Variants in CTPS1 observed in about 807,000 individuals in gnomAD.
The protein encoded by CTPS1 is CTP synthetase 1.
Under a neutral mutation model 80.5 loss-of-function variants are expected in CTPS1, and 25 were observed. That is an observed-to-expected ratio of 0.31 (90% CI 0.23 to 0.43). The LOEUF (loss-of-function observed/expected upper bound fraction) is 0.43. Among genes scored for constraint, CTPS1 ranks in the 20% least tolerant of loss-of-function variants. CTPS1 has a pLI of 1.00. For missense variants in CTPS1, 442 were observed against 725.7 expected (o/e 0.61, Z 4.49); for synonymous variants, 267 against 252.5 (o/e 1.06, Z -0.54).
At chr1:40,996,553 GCTGTCACATTC>G (rs1209525684) in intron 8 of CTPS1, among the ~76,000 whole-genome samples, 1 of 152,184 alleles carries the variant, frequency 6.6e-6, no homozygotes, top group Non-Finnish European at 1.5e-5. Flanking sequence ...GCTCGGTGAT[GCTGTCACATTC>G]CTTCAGAAAT....
intron 17 of CTPS1, among the ~76,000 whole-genome samples, 194 bp from the exon 18 acceptor site, chr1:41,009,967 G>A (rs756570044): frequency 1.3e-5 from 2 of 152,206 alleles, no homozygotes; most frequent in Non-Finnish European, 2.9e-5. Flanking sequence ...AAGTATAAAT[G>A]GAATGTATAT....
chr1:40,982,036 G>C (rs755318525), intron 1 of CTPS1: 25 of 1,286,282 alleles, frequency 1.9e-5, no homozygotes, highest in Middle Eastern at 4.3e-4. Flanking sequence ...TTTTCATTTT[G>C]GTCACATTTG....
intron 7 of CTPS1, among the ~76,000 whole-genome samples, chr1:40,994,695 G>T (rs1226048871): frequency 6.6e-6 from 1 of 152,074 alleles, no homozygotes; most frequent in Non-Finnish European, 1.5e-5. Context: ...AATGATAATG[G>T]CTAATATCTT....
At position 41,001,055 on chromosome 1, in the gene CTPS1, C is replaced by T. The variant is rs1282166282; in HGVS notation, c.1032C>T (p.Pro344=). The T allele has an allele frequency of 3.7e-6, 6 of 1,612,286 alleles. No individual in the cohort carries two copies. Among genetic ancestry groups the T allele is most frequent in the Non-Finnish European group, 4.2e-6 (5 of 1,179,364 alleles). Residue 344 remains proline, a synonymous_variant, in exon 10 of 19, where the codon CCC becomes CCT. Transcript: ENST00000650070. ...IKYIDSADLE[P]ITSQEEPVRY... ...ACATAGATTCTGCGGACTTGGAGCC[C>T]ATCACCTCGCAAGAAGAGCCCGTGC...
chr1:40,987,499 C>G, intron 4 of CTPS1, 27 bp downstream of exon 4: 1 of 1,470,140 alleles, frequency 6.8e-7, no homozygotes. Context: ...CACATGTGAA[C>G]AAGTGTACTC....
chr1:40,991,874 T>C (rs1211287920), intron 7 of CTPS1, 29 bp downstream of exon 7: 1 of 1,570,270 alleles, frequency 6.4e-7, no homozygotes. Context: ...CTCTAATAAG[T>C]TGTTTTTTGC....
intron 3 of CTPS1, among the ~76,000 whole-genome samples, chr1:40,986,441 G>A (rs1263780141): frequency 3.9e-5 from 6 of 152,236 alleles, no homozygotes; most frequent in Admixed American, 6.5e-5. Context: ...TCGCTGGGCC[G>A]CAGCAAGAAG....
Position 40,996,046 on chromosome 1 carries a change from A to G in CTPS1, c.850A>G (p.Lys284Glu). 1 of 1,614,200 alleles carries G rather than the reference A, an allele frequency of 6.2e-7. No homozygotes were observed. The highest frequency in any genetic ancestry group is 1.1e-5 in the South Asian group (1 of 91,076). ...IERQPRKMLMKWKEMADRYDR... is the reference protein window; with the variant it reads ...IERQPRKMLMEWKEMADRYDR... ...GAGGCAGCCAAGAAAAATGCTGATG[A>G]AATGGAAAGAGATGGCTGACAGGTT... The change falls in exon 8 of 19, where the codon AAA (lysine) becomes GAA (glutamate). Residue 284 changes from lysine to glutamate, a missense_variant. By Grantham distance (56) the Lys-to-Glu change is moderately conservative. This residue lies in a region of CTPS1 where 321 missense variants were observed against 467.2 expected (regional missense o/e 0.69). Transcript: ENST00000650070.
At chr1:40,995,860 G>A (rs1190146718) in intron 7 of CTPS1, 57 bp from the exon 8 acceptor site, 2 of 1,552,702 alleles carry the variant, frequency 1.3e-6, no homozygotes, top group Admixed American at 1.8e-5. Context: ...GCTAGTAGGA[G>A]GCTGTAAGCC....
chr1:40,988,028 T>G (rs774336241), intron 4 of CTPS1, among the ~76,000 whole-genome samples: 58 of 152,182 alleles, frequency 3.8e-4, no homozygotes, highest in Non-Finnish European at 7.3e-4. Flanking sequence ...TTCTCCTACC[T>G]TAGCCTCCCA....
intron 5 of CTPS1, among the ~76,000 whole-genome samples, chr1:40,989,999 T>G (rs1642559867): frequency 6.6e-6 from 1 of 152,022 alleles, no homozygotes; most frequent in South Asian, 2.1e-4. Flanking sequence ...TTCCAAAAAA[T>G]AAGAACACAG....
At chr1:41,006,652 G>A (rs1176006484) in intron 13 of CTPS1, among the ~76,000 whole-genome samples, 1 of 152,298 alleles carries the variant, frequency 6.6e-6, no homozygotes, top group East Asian at 1.9e-4. Flanking sequence ...GAGGGACGAT[G>A]CCTTTAATCA....
At chr1:40,997,585 G>T (rs376533615) in intron 9 of CTPS1, 59 bp downstream of exon 9, 1 of 1,571,288 alleles carries the variant, frequency 6.4e-7, no homozygotes, top group African/African-American at 1.4e-5. Flanking sequence ...CTGTAGTCTC[G>T]TAGGTGCTGT....
chr1:40,997,771 A>G (rs911410117), intron 9 of CTPS1, among the ~76,000 whole-genome samples: 1 of 152,206 alleles, frequency 6.6e-6, no homozygotes, highest in Non-Finnish European at 1.5e-5. Context: ...GTTCTTGGCT[A>G]TGACTATCAG....
chr1:41,002,093 A>C, intron 10 of CTPS1, 67 bp from the exon 11 acceptor site: 1 of 1,392,978 alleles, frequency 7.2e-7, no homozygotes, highest in Non-Finnish European at 1.0e-6. Flanking sequence ...ATGGCCCGTT[A>C]GGCGATTATT....
In CTPS1 at chr1:41,007,371, C is replaced by A; in HGVS notation, c.1297-78C>A. 2 of 1,225,340 alleles carry A rather than the reference C, an allele frequency of 1.6e-6. No homozygotes were observed. Among genetic ancestry groups the A allele is most frequent in the South Asian group, 1.2e-5 (1 of 81,780 alleles). The allele number at this position is 1,225,340 out of a possible 1,614,324, so 75.9% of individuals were successfully genotyped here. A position where few individuals can be genotyped will look rare whatever the true frequency, so the allele number is the denominator to read the frequency against. ...TTAGAGCTTACTTACAAGCCTTTGC[C>A]ACCCACTCAGCGAGGGAGGTTTCTC... On this transcript the variant is annotated intron_variant, in intron 13 of 18. Coordinates refer to ENST00000650070, the MANE Select transcript of CTPS1 (RefSeq NM_001905.4). The surrounding 1 kb of genome is among the most constrained non-coding windows in gnomAD (Gnocchi z 4.4).
intron 5 of CTPS1, among the ~76,000 whole-genome samples, chr1:40,989,064 C>T (rs765284545): frequency 8.5e-5 from 13 of 152,128 alleles, no homozygotes; most frequent in Non-Finnish European, 1.6e-4. Flanking sequence ...TGCATAGAAC[C>T]GACTAAGCTG....
chr1:40,989,236 T>C (rs372204741), intron 5 of CTPS1, among the ~76,000 whole-genome samples: 1 of 152,196 alleles, frequency 6.6e-6, no homozygotes, highest in East Asian at 1.9e-4. Flanking sequence ...CAGTGCACAG[T>C]TGGGCGTTAG....
intron 1 of CTPS1, among the ~76,000 whole-genome samples, chr1:40,982,171 C>G (rs1211907547): frequency 6.6e-6 from 1 of 152,124 alleles, no homozygotes; most frequent in Non-Finnish European, 1.5e-5. Context: ...CATCTTGACT[C>G]TGCTGCCCTT....
Sources: gnomAD v4.1 joint callset for allele counts (sites outside exome capture counted in the v4.1 genomes callset) on GRCh38, gnomAD v4.1.1 for gene constraint, gnomAD v4.1.1 regional missense constraint, Gnocchi (gnomAD v3.1) non-coding constraint, MANE v1.5 for transcripts, NCBI Gene and HGNC (gene_info 2026-07-23, HGNC 2026-07-21) for gene names.